The following TAOK1 variants were observed in gnomAD, a reference collection of about 807,000 sequenced individuals.
TAOK1 encodes TAO kinase 1.
Under a neutral mutation model 138.3 loss-of-function variants are expected in TAOK1, and 21 were observed. The ratio of observed to expected loss-of-function variants is 0.15; its 90% CI spans 0.11 to 0.22. TAOK1 has a LOEUF of 0.22. Ranked by LOEUF, TAOK1 falls within the 10% of genes least tolerant of loss-of-function variation. The pLI is 1.00. For synonymous variants in TAOK1, 361 were observed against 398.4 expected (o/e 0.91, Z 1.12); for missense variants, 651 against 1,227.7 (o/e 0.53, Z 7.02).
intron 9 of TAOK1, among the ~76,000 whole-genome samples, chr17:29,491,133 C>T (rs964172122): frequency 6.6e-6 from 1 of 152,094 alleles, no homozygotes; most frequent in Non-Finnish European, 1.5e-5. Flanking sequence ...GAATTCTTGC[C>T]TACAAGGAAC....
intron 1 of TAOK1, among the ~76,000 whole-genome samples, chr17:29,431,841 C>T (rs2153022697): frequency 7.2e-6 from 1 of 138,722 alleles, no homozygotes; most frequent in Non-Finnish European, 1.5e-5. Flanking sequence ...GAGTCTCACT[C>T]TGTTGCCCAG....
At chr17:29,498,621 C>T (rs1396111213) in intron 12 of TAOK1, 100 bp downstream of exon 12, 7 of 1,397,606 alleles carry the variant, frequency 5.0e-6, no homozygotes, top group Middle Eastern at 2.4e-4. Flanking sequence ...GGAAGTTTCC[C>T]GAAGTTTGGA....
chr17:29,478,962 T>C (rs1195493051), intron 6 of TAOK1, among the ~76,000 whole-genome samples: 4 of 152,144 alleles, frequency 2.6e-5, no homozygotes, highest in African/African-American at 9.6e-5. Flanking sequence ...TCGTCTCCAC[T>C]GAAAATATGA....
chr17:29,419,898 G>C (rs1905377544), intron 1 of TAOK1, among the ~76,000 whole-genome samples: 1 of 151,788 alleles, frequency 6.6e-6, no homozygotes, highest in South Asian at 2.1e-4. Flanking sequence ...TTTGTTTTTT[G>C]AGACAGGGTC....
intron 8 of TAOK1, among the ~76,000 whole-genome samples, chr17:29,487,765 TAAATA>T (rs1381248987): frequency 6.6e-6 from 1 of 152,090 alleles, no homozygotes; most frequent in Non-Finnish European, 1.5e-5. Context: ...ATACAATAAA[TAAATA>T]AAAGAATAAA....
chr17:29,401,277 C>T (rs1223159136), intron 1 of TAOK1, among the ~76,000 whole-genome samples: 3 of 152,040 alleles, frequency 2.0e-5, no homozygotes, highest in Admixed American at 1.3e-4. Flanking sequence ...ATACCTGAGA[C>T]TGGGTAATTT....
intron 1 of TAOK1, among the ~76,000 whole-genome samples, chr17:29,392,348 A>T (rs1904462172): frequency 6.6e-6 from 1 of 152,186 alleles, no homozygotes; most frequent in African/African-American, 2.4e-5. Context: ...TTAAAATGGT[A>T]AGGTTACAAA....
At chr17:29,495,266 G>C (rs1264469898) in intron 10 of TAOK1, among the ~76,000 whole-genome samples, 1 of 152,060 alleles carries the variant, frequency 6.6e-6, no homozygotes, top group African/African-American at 2.4e-5. Flanking sequence ...TGTAAACCTT[G>C]AGAGCTCTGA....
At chr17:29,406,795 C>G (rs1046555034) in intron 1 of TAOK1, among the ~76,000 whole-genome samples, 3 of 151,958 alleles carry the variant, frequency 2.0e-5, no homozygotes, top group African/African-American at 7.3e-5. Flanking sequence ...CTTGAACTCC[C>G]GGGCTAAAGT....
intron 8 of TAOK1, among the ~76,000 whole-genome samples, chr17:29,482,723 GATATAT>G (rs766574098): frequency 6.7e-6 from 1 of 148,556 alleles, no homozygotes; most frequent in Non-Finnish European, 1.5e-5. Context: ...GTAACAGTTT[GATATAT>G]ATATATATAC....
intron 15 of TAOK1, among the ~76,000 whole-genome samples, chr17:29,516,481 C>T (rs1007584782): frequency 6.7e-6 from 1 of 148,646 alleles, no homozygotes; most frequent in African/African-American, 2.5e-5. Context: ...ACTCCAGACA[C>T]GTGCCACCAC....
rs758957668 is a variant in TAOK1, at chr17:29,545,617, C to T, written c.*2595C>T. 21 of 151,920 alleles carry T rather than the reference C, an allele frequency of 1.4e-4. No homozygotes were observed. The highest frequency in any genetic ancestry group is 2.5e-4 in the Non-Finnish European group (17 of 67,954). The allele number at this position is 151,920 out of a possible 1,614,324, so 9.4% of individuals were successfully genotyped here. Reference sequence around the variant, plus strand: ...TTAACTTTAAAGTATATACAGTTTGCAAAAAATGATTCAAATTAATTGGTT... The same window carrying T: ...TTAACTTTAAAGTATATACAGTTTGTAAAAAATGATTCAAATTAATTGGTT... On this transcript the variant is annotated 3_prime_UTR_variant, in exon 20 of 20. Transcript: ENST00000261716.
At position 29,542,632 on chromosome 17, in the gene TAOK1, C is replaced by G. The variant is rs2032335636; in HGVS notation, c.2616C>G (p.Ala872=). ...ERIRSLLERQ[A]REIEAFDSES... ...TACGAAGCCTGTTGGAACGTCAAGC[C>G]AGAGAGATTGAAGCTTTTGACTCTG... is the stretch of plus-strand genomic sequence containing the variant. The change falls in exon 20 of 20, where the codon GCC becomes GCG. Residue 872 remains alanine (A), a synonymous_variant. Coordinates refer to ENST00000261716, the MANE Select transcript of TAOK1 (RefSeq NM_020791.4). The G allele has an allele frequency of 6.2e-7, 1 of 1,614,240 alleles. No homozygotes were observed. The highest frequency in any genetic ancestry group is 1.1e-5 in the South Asian group (1 of 91,090).
chr17:29,433,696 C>T (rs1905928283), intron 1 of TAOK1, among the ~76,000 whole-genome samples: 1 of 148,878 alleles, frequency 6.7e-6, no homozygotes, highest in African/African-American at 2.4e-5. Flanking sequence ...AGGTTCCACA[C>T]AGGAAGTGGA....
intron 1 of TAOK1, among the ~76,000 whole-genome samples, chr17:29,410,693 C>T (rs1259364070): frequency 5.1e-5 from 7 of 138,034 alleles, no homozygotes; most frequent in Non-Finnish European, 1.1e-4. Flanking sequence ...AGTGCAGTGG[C>T]GTGATCTCGG....
chr17:29,536,680 CT>C lies in TAOK1; in HGVS notation c.2544+2381del, dbSNP rs548183441. Among the ~76,000 whole-genome samples the C allele has an allele frequency of 2.7e-4, 41 of 150,046 alleles. No homozygotes were observed. In the East Asian group the frequency reaches 6.0e-3, roughly 22 times the overall value. ...ATAGCTTCTTCCATGTGCAAATTTC[CT>C]AAATCCATGTCATTCAAACTTTTTT... On this transcript the variant is annotated intron_variant, in intron 19 of 19. Transcript: ENST00000261716.
At chr17:29,439,843 A>G (rs935308864) in intron 1 of TAOK1, among the ~76,000 whole-genome samples, 5 of 144,048 alleles carry the variant, frequency 3.5e-5, no homozygotes, top group African/African-American at 1.3e-4. Context: ...AGGGCAACGT[A>G]GTGAAAAAGA....
intron 13 of TAOK1, 63 bp downstream of exon 13, chr17:29,502,786 T>C: frequency 6.5e-7 from 1 of 1,550,068 alleles, no homozygotes; most frequent in Admixed American, 1.9e-5. Flanking sequence ...CAATATAAAC[T>C]CAAGTATAGC....
At chr17:29,483,296 T>G (rs2031100913) in intron 8 of TAOK1, among the ~76,000 whole-genome samples, 1 of 152,170 alleles carries the variant, frequency 6.6e-6, no homozygotes, top group Non-Finnish European at 1.5e-5. Flanking sequence ...CAGGCTGGTC[T>G]TGAACTCCTG....
Sources: allele counts gnomAD v4.1 joint callset (sites outside exome capture counted in the v4.1 genomes callset), GRCh38; gene constraint gnomAD v4.1.1; transcripts MANE v1.5; gene names NCBI Gene and HGNC (gene_info 2026-07-23, HGNC 2026-07-21).